The following MAF variants were observed in gnomAD, a reference collection of about 807,000 sequenced individuals.
MAF encodes the protein MAF bZIP transcription factor, also known as transcription factor Maf.
MAF carries 10 observed loss-of-function variants against 22.0 expected under a neutral mutation model. That is an observed-to-expected ratio of 0.45 (90% CI 0.28 to 0.77). MAF has a LOEUF of 0.77. Among genes scored for constraint, MAF ranks in the 30% least tolerant of loss-of-function variants. The pLI is 0.12. For synonymous variants in MAF, 337 were observed against 255.8 expected (o/e 1.32, Z -3.03); for missense variants, 544 against 548.4 (o/e 0.99, Z 0.08).
chr16:79,207,433 C>T, the MAF span, among the ~76,000 whole-genome samples: 1 of 152,238 alleles, frequency 6.6e-6, no homozygotes, highest in Non-Finnish European at 1.5e-5. Flanking sequence ...TTCTCCTTCC[C>T]TGCTCTTGGT....
chr16:79,330,105 G>A, the MAF span, among the ~76,000 whole-genome samples: 1 of 152,268 alleles, frequency 6.6e-6, no homozygotes, highest in East Asian at 1.9e-4. Context: ...TTTATTCAAA[G>A]CAGGTAAAAG....
At chr16:79,343,737 G>A in the MAF span, among the ~76,000 whole-genome samples, 1 of 152,142 alleles carries the variant, frequency 6.6e-6, no homozygotes, top group African/African-American at 2.4e-5. Context: ...TTATTTATTA[G>A]TATTCTTCCT....
At chr16:79,211,034 A>T in the MAF span, among the ~76,000 whole-genome samples, 185 of 149,714 alleles carry the variant, frequency 1.2e-3, no homozygotes, top group Non-Finnish European at 1.8e-3. Context: ...TATGGTGAGG[A>T]GTGTGTGTGT....
the MAF span, among the ~76,000 whole-genome samples, chr16:79,244,373 G>C: frequency 1.3e-5 from 2 of 152,078 alleles, no homozygotes. Flanking sequence ...CAAAGTCTCA[G>C]CATACAAAAT....
At chr16:79,383,973 A>G in the MAF span, among the ~76,000 whole-genome samples, 1 of 152,188 alleles carries the variant, frequency 6.6e-6, no homozygotes, top group Non-Finnish European at 1.5e-5. Flanking sequence ...GAAAAAGTCC[A>G]AAGGGCGTGG....
the MAF span, among the ~76,000 whole-genome samples, chr16:79,491,659 TA>T: frequency 1.3e-5 from 2 of 152,076 alleles, no homozygotes; most frequent in South Asian, 4.1e-4. Flanking sequence ...TGTAACAAAA[TA>T]AAAAATATTC....
chr16:79,405,420 A>G, the MAF span, among the ~76,000 whole-genome samples: 4 of 152,348 alleles, frequency 2.6e-5, no homozygotes, highest in East Asian at 5.8e-4. Flanking sequence ...GCTGCATTAC[A>G]GACTCCTATT....
chr16:79,529,961 C>CAAA, the MAF span, among the ~76,000 whole-genome samples: 1 of 145,164 alleles, frequency 6.9e-6, no homozygotes, highest in African/African-American at 2.6e-5. Context: ...AACTCCATCT[C>CAAA]AAAAAAAAAA....
intron 1 of MAF, chr16:79,596,295 A>T (rs1913520710): frequency 9.4e-7 from 1 of 1,059,636 alleles, no homozygotes; most frequent in Non-Finnish European, 1.1e-6. Context: ...CATCTATATT[A>T]AATATTGCTA....
chr16:79,529,463 A>T, the MAF span, among the ~76,000 whole-genome samples: 1 of 152,224 alleles, frequency 6.6e-6, no homozygotes, highest in Non-Finnish European at 1.5e-5. Flanking sequence ...CTATTTTAGT[A>T]ACTTCCTGTG....
At position 79,600,356 on chromosome 16, in the gene MAF, A is replaced by C. The variant is rs1167267504; in HGVS notation, c.-454T>G. The C allele has an allele frequency of 2.0e-5, 4 of 198,258 alleles. No homozygotes were observed. Among genetic ancestry groups the C allele is most frequent in the African/African-American group, 9.4e-5 (4 of 42,460 alleles). The allele number at this position is 198,258 out of a possible 1,614,324, so 12.3% of individuals were successfully genotyped here. On this transcript the variant is annotated 5_prime_UTR_variant, in exon 1 of 2. Transcript: ENST00000326043. The stretch of plus-strand genomic sequence containing the variant: ...CGCCTCGCCGGCCCGGGCTGCAGGC[A>C]GGGCGCGCGCGGCGTCCGCTCGGGG...
the MAF span, among the ~76,000 whole-genome samples, chr16:79,257,386 A>C: frequency 6.6e-6 from 1 of 152,166 alleles, no homozygotes; most frequent in African/African-American, 2.4e-5. Context: ...TTCAAAATGC[A>C]AAAATATTAA....
the MAF span, among the ~76,000 whole-genome samples, chr16:79,245,639 G>T: frequency 6.6e-6 from 1 of 152,064 alleles, no homozygotes; most frequent in Non-Finnish European, 1.5e-5. Context: ...CATTGTGGAA[G>T]ACAGTGTGGC....
chr16:79,390,677 G>T, the MAF span, among the ~76,000 whole-genome samples: 1 of 152,162 alleles, frequency 6.6e-6, no homozygotes, highest in Non-Finnish European at 1.5e-5. Context: ...CCATGGAGCT[G>T]CCAGGGCACA....
the MAF span, among the ~76,000 whole-genome samples, chr16:79,410,772 G>C: frequency 3.3e-4 from 50 of 152,302 alleles, 1 homozygote; most frequent in African/African-American, 1.1e-3. Flanking sequence ...AAAGAGCCTG[G>C]ACAAAAGCTT....
chr16:79,243,876 G>T, the MAF span, among the ~76,000 whole-genome samples: 1 of 151,972 alleles, frequency 6.6e-6, no homozygotes, highest in Non-Finnish European at 1.5e-5. Context: ...CCACGATCAA[G>T]TCAGCTTTAT....
the MAF span, among the ~76,000 whole-genome samples, chr16:79,331,962 A>T: frequency 6.6e-6 from 1 of 152,168 alleles, no homozygotes; most frequent in South Asian, 2.1e-4. Flanking sequence ...TAAAAGTAAC[A>T]TTGCTGTTTG....
chr16:79,243,381 G>C, the MAF span, among the ~76,000 whole-genome samples: 10 of 151,844 alleles, frequency 6.6e-5, no homozygotes, highest in Non-Finnish European at 1.5e-4. Flanking sequence ...TGAAAAAGGG[G>C]ATATCGCCAC....
the MAF span, among the ~76,000 whole-genome samples, chr16:79,399,615 AG>A: frequency 2.0e-5 from 3 of 152,026 alleles, no homozygotes; most frequent in Non-Finnish European, 2.9e-5. Context: ...CCAGCCAGGG[AG>A]GGGTGTTTTT....
Sources: allele counts gnomAD v4.1 joint callset (sites outside exome capture counted in the v4.1 genomes callset), GRCh38; gene constraint gnomAD v4.1.1; transcripts MANE v1.5; gene names NCBI Gene and HGNC (gene_info 2026-07-23, HGNC 2026-07-21).